Variants in SLC11A2 observed in about 807,000 individuals in gnomAD.
The protein encoded by SLC11A2 is natural resistance-associated macrophage protein 2.
SLC11A2 carries 38 observed loss-of-function variants against 68.0 expected under a neutral mutation model. The ratio of observed to expected loss-of-function variants is 0.56; its 90% CI spans 0.43 to 0.73. The LOEUF is 0.73. Ranked by LOEUF, SLC11A2 falls within the 30% of genes least tolerant of loss-of-function variation. The pLI is 0.00. For synonymous variants in SLC11A2, 242 were observed against 250.6 expected, an observed-to-expected ratio of 0.97 and a Z score of 0.32; for missense variants, 517 against 690.5, an observed-to-expected ratio of 0.75 and a Z score of 2.82.
Position 50,986,699 on chromosome 12 carries a change from G to C in SLC11A2, c.*1626C>G. ...GAGAATTACGATGGTAAGGGGAAGAGGCAGATATGAAGAGGAATGGTTAGG... is the reference window on the plus strand; with the variant it reads ...GAGAATTACGATGGTAAGGGGAAGACGCAGATATGAAGAGGAATGGTTAGG... On this transcript the variant is annotated 3_prime_UTR_variant, in exon 16 of 16. Transcript: ENST00000262052. 1 of 1,286,998 alleles carries C rather than the reference G, an allele frequency of 7.8e-7. No individual in the cohort carries two copies. The highest frequency in any genetic ancestry group is 1.0e-6 in the Non-Finnish European group (1 of 988,560). The allele number at this position is 1,286,998 out of a possible 1,614,324, so 79.7% of individuals were successfully genotyped here.
intron 15 of SLC11A2, among the ~76,000 whole-genome samples, chr12:50,990,092 A>G (rs910146429): frequency 6.6e-6 from 1 of 152,224 alleles, no homozygotes; most frequent in African/African-American, 2.4e-5. Context: ...TAGACTTCTT[A>G]AAAAATTTTT....
At chr12:51,003,807 G>A (rs993721173) in intron 5 of SLC11A2, among the ~76,000 whole-genome samples, 4 of 151,044 alleles carry the variant, frequency 2.6e-5, no homozygotes, top group East Asian at 1.9e-4. Context: ...GGGTGTGGTC[G>A]TGCTCGCCTG....
At chr12:50,962,934 G>A in the SLC11A2 span, among the ~76,000 whole-genome samples, 554 of 152,276 alleles carry the variant, frequency 3.6e-3, 1 homozygote, top group African/African-American at 0.012. Flanking sequence ...GCGAATCAGT[G>A]TTTGAGGAGA....
chr12:50,995,303 C>T (rs901046420), intron 10 of SLC11A2, among the ~76,000 whole-genome samples: 1 of 151,800 alleles, frequency 6.6e-6, no homozygotes, highest in Non-Finnish European at 1.5e-5. Context: ...TGCAAGACTC[C>T]GTCTCAAAAA....
upstream of SLC11A2, among the ~76,000 whole-genome samples, chr12:51,026,757 C>T (rs372319996): frequency 6.6e-6 from 1 of 152,124 alleles, no homozygotes; most frequent in African/African-American, 2.4e-5. Flanking sequence ...AGGCCAGGCG[C>T]GGAGGCTCAC....
intron 1 of SLC11A2, among the ~76,000 whole-genome samples, chr12:51,014,955 G>A (rs1245724048): frequency 6.6e-6 from 1 of 150,780 alleles, no homozygotes; most frequent in African/African-American, 2.4e-5. Flanking sequence ...GAGGTCAGGA[G>A]TTCGAGACCA....
chr12:50,954,258 G>A, the SLC11A2 span: 13,105 of 475,220 alleles, frequency 0.028, 361 homozygotes, highest in East Asian at 0.089. Flanking sequence ...CTAATACATG[G>A]TAAGCCCCCA....
chr12:51,017,240 A>C (rs1006439033), intron 1 of SLC11A2, among the ~76,000 whole-genome samples: 5 of 152,184 alleles, frequency 3.3e-5, no homozygotes, highest in African/African-American at 1.2e-4. Context: ...CCTTGATATT[A>C]GTAGAGGACT....
intron 1 of SLC11A2, among the ~76,000 whole-genome samples, chr12:51,025,348 TA>T (rs1472492891): frequency 3.9e-5 from 6 of 152,204 alleles, no homozygotes; most frequent in African/African-American, 4.8e-5. Flanking sequence ...AACAACCCTG[TA>T]AGACTGATAT....
downstream of SLC11A2, chr12:50,980,046 T>G (rs1939933646): frequency 2.4e-6 from 1 of 421,930 alleles, no homozygotes; most frequent in South Asian, 1.7e-5. Context: ...GGCAACATGG[T>G]GAAATCCCGT....
At chr12:50,978,374 C>G (rs1220668760), downstream of SLC11A2, among the ~76,000 whole-genome samples, 2 of 151,502 alleles carry the variant, frequency 1.3e-5, no homozygotes, top group Non-Finnish European at 2.9e-5. Context: ...CCATCATTCT[C>G]AGCAAACCAT....
rs1941526367 is a variant in SLC11A2, at chr12:50,994,638, C to A, written c.991-8G>T. On this transcript the variant is annotated splice_region_variant and splice_polypyrimidine_tract_variant and intron_variant, in intron 10 of 15. Transcript: ENST00000262052. ...ATTTGTACAGACTTCAACCTAGAACCCAAAGCAATTCAACAGCAACTTTTG... is the reference window on the plus strand; with the variant it reads ...ATTTGTACAGACTTCAACCTAGAACACAAAGCAATTCAACAGCAACTTTTG... 1 of 1,590,306 alleles carries A rather than the reference C, an allele frequency of 6.3e-7. No individual in the cohort carries two copies. The highest frequency in any genetic ancestry group is 8.6e-7 in the Non-Finnish European group (1 of 1,158,394).
intron 1 of SLC11A2, among the ~76,000 whole-genome samples, chr12:51,025,328 A>C (rs1944309075): frequency 6.6e-6 from 1 of 152,216 alleles, no homozygotes; most frequent in African/African-American, 2.4e-5. Context: ...TTATTAACTA[A>C]TTTCATACCA....
chr12:51,014,988 CCA>C (rs1943521603), intron 1 of SLC11A2, among the ~76,000 whole-genome samples: 1 of 151,206 alleles, frequency 6.6e-6, no homozygotes, highest in African/African-American at 2.4e-5. Context: ...TGGTGAAACC[CCA>C]TCTCTACTAA....
chr12:50,959,962 T>C, the SLC11A2 span, among the ~76,000 whole-genome samples: 1 of 152,204 alleles, frequency 6.6e-6, no homozygotes, highest in Non-Finnish European at 1.5e-5. Flanking sequence ...GTATCTGTTA[T>C]CTGGCTATTT....
chr12:50,979,731 A>T (rs1433425604), downstream of SLC11A2: 2 of 397,032 alleles, frequency 5.0e-6, no homozygotes, highest in East Asian at 1.4e-4. Context: ...GTGTCATTTT[A>T]GAAAAATCCC....
chr12:50,967,230 C>T, the SLC11A2 span, among the ~76,000 whole-genome samples: 3 of 152,108 alleles, frequency 2.0e-5, no homozygotes, highest in Non-Finnish European at 4.4e-5. Flanking sequence ...ATCCTCCTGC[C>T]TCTTCTGGGC....
rs1454699218 is a variant in SLC11A2 at position 50,986,210 on chromosome 12, TG to T, written c.*2114del. On this transcript the variant is annotated 3_prime_UTR_variant, in exon 16 of 16. Transcript: ENST00000262052. The stretch of plus-strand genomic sequence containing the variant: ...AGAACCAATTTATATAAAGTACAAT[TG>T]TATATCCTTAAACATTCCACATAAA... The T allele has an allele frequency of 7.8e-7, 1 of 1,283,628 alleles. No homozygotes were observed. The highest frequency in any genetic ancestry group is 1.0e-6 in the Non-Finnish European group (1 of 985,390). The allele number at this position is 1,283,628 out of a possible 1,614,324, so 79.5% of individuals were successfully genotyped here. A position where few individuals can be genotyped will look rare whatever the true frequency, so the allele number is the denominator to read the frequency against.
the SLC11A2 span, chr12:50,970,522 A>G: frequency 6.8e-7 from 1 of 1,475,070 alleles, no homozygotes; most frequent in Non-Finnish European, 9.2e-7. Context: ...ACATGCTGGA[A>G]GCAAGAAAGA....
Sources: allele counts gnomAD v4.1 joint callset (sites outside exome capture counted in the v4.1 genomes callset), GRCh38; gene constraint gnomAD v4.1.1; transcripts MANE v1.5; gene names NCBI Gene and HGNC (gene_info 2026-07-23, HGNC 2026-07-21).